The following CEP85L variants were observed in gnomAD, a reference collection of about 807,000 sequenced individuals.
CEP85L encodes centrosomal protein of 85 kDa-like.
In CEP85L, 60 loss-of-function variants were observed where a neutral mutation model predicts 100.3. That is an observed-to-expected ratio of 0.60 (90% confidence interval 0.49 to 0.74). CEP85L has a LOEUF of 0.74. Among genes scored for constraint, CEP85L ranks in the 30% least tolerant of loss-of-function variants. The pLI, the probability that CEP85L is intolerant of heterozygous loss-of-function variation, is 0.00. For synonymous variants in CEP85L, 319 were observed against 322.7 expected (o/e 0.99, Z 0.12); for missense variants, 973 against 936.2 (o/e 1.04, Z -0.51).
At chr6:118,594,409 A>G (rs1328970396) in intron 2 of CEP85L, among the ~76,000 whole-genome samples, 1 of 152,242 alleles carries the variant, frequency 6.6e-6, no homozygotes, top group East Asian at 1.9e-4. Flanking sequence ...CATTTTTATC[A>G]GCCCCTATTT....
intron 3 of CEP85L, among the ~76,000 whole-genome samples, chr6:118,564,852 G>T (rs62422184): frequency 5.3e-5 from 8 of 152,218 alleles, no homozygotes; most frequent in African/African-American, 1.7e-4. Flanking sequence ...TCTTGGAATA[G>T]AAACATTCCC....
chr6:118,537,723 G>A (rs1583003098), intron 3 of CEP85L: 1 of 985,260 alleles, frequency 1.0e-6, no homozygotes, highest in Non-Finnish European at 1.2e-6. Flanking sequence ...CTTTGGCCTG[G>A]ACAAATACTG....
At chr6:118,549,658 A>G (rs928931725) in intron 3 of CEP85L, among the ~76,000 whole-genome samples, 8 of 151,916 alleles carry the variant, frequency 5.3e-5, no homozygotes, top group African/African-American at 1.7e-4. Context: ...CTCTATACTC[A>G]TATTTTTCCT....
At chr6:118,571,270 A>G (rs1779870853) in intron 2 of CEP85L, among the ~76,000 whole-genome samples, 1 of 152,222 alleles carries the variant, frequency 6.6e-6, no homozygotes. Flanking sequence ...GCAAGTTATT[A>G]CTATCTATCC....
intron 1 of CEP85L, among the ~76,000 whole-genome samples, chr6:118,700,039 GT>G (rs1195409211): frequency 6.6e-6 from 1 of 152,182 alleles, no homozygotes; most frequent in Non-Finnish European, 1.5e-5. Context: ...AACTTTGCCA[GT>G]TAGGTGCCAC....
chr6:118,591,191 A>C (rs1218818486), intron 2 of CEP85L, among the ~76,000 whole-genome samples: 1 of 152,200 alleles, frequency 6.6e-6, no homozygotes. Context: ...AACTTACTAG[A>C]GCTGAGGCAG....
Position 118,475,415 on chromosome 6 carries a change from A to G in CEP85L, c.1914+4456T>C, listed in dbSNP as rs1276779701. On this transcript the variant is annotated intron_variant, in intron 10 of 12. Coordinates refer to ENST00000368491, the MANE Select transcript of CEP85L (RefSeq NM_001042475.3). ...GTCCCCCAGGCTGGAGGACAGTGGC[A>G]CAATCTTGGCTCACTGCAAGCTCCA... Among the ~76,000 whole-genome samples the G allele has an allele frequency of 9.1e-5, 13 of 142,880 alleles. No homozygotes were observed. The East Asian group carries it at 2.7e-3, about 30-fold the overall frequency. 93.7% of individuals were successfully genotyped at this position (142,880 alleles called of 152,430 possible).
intron 2 of CEP85L, among the ~76,000 whole-genome samples, chr6:118,594,028 C>T (rs1411290070): frequency 6.6e-6 from 1 of 152,116 alleles, no homozygotes; most frequent in African/African-American, 2.4e-5. Context: ...TTCTGTATGT[C>T]CCTCTGTTGT....
At chr6:118,651,690 G>C, upstream of CEP85L, 1 of 661,658 alleles carries the variant, frequency 1.5e-6, no homozygotes, top group Non-Finnish European at 1.8e-6. Context: ...GCGCGGGGCG[G>C]GGACTGCGGG....
At position 118,604,271 on chromosome 6, in the gene CEP85L, G is replaced by A. The variant is rs143946929; in HGVS notation, c.232+28182C>T. On this transcript the variant is annotated intron_variant, in intron 2 of 12. Coordinates refer to ENST00000368491, the MANE Select transcript of CEP85L (RefSeq NM_001042475.3). The stretch of plus-strand genomic sequence containing the variant: ...CTTTACATTTTTTTGTGAAAGAGCA[G>A]ATTAGTGCTCTAAGAAAAACCTGTT... 4.4e-3 allele frequency among the ~76,000 whole-genome samples: 670 copies of A among 152,278 alleles called. 8 individuals carry two copies. Among genetic ancestry groups the A allele is most frequent in the African/African-American group, 0.016 (649 of 41,556 alleles).
intron 3 of CEP85L, among the ~76,000 whole-genome samples, chr6:118,540,799 G>T (rs1275483830): frequency 6.7e-6 from 1 of 149,908 alleles, no homozygotes; most frequent in Admixed American, 6.6e-5. Flanking sequence ...AATAAATAAT[G>T]CTTTCTGACC....
In CEP85L at chr6:118,675,859, G is replaced by A. The variant is rs534088230; in HGVS notation, c.-27-23051C>T. 2.0e-5 allele frequency among the ~76,000 whole-genome samples: 3 copies of A among 152,194 alleles called. No individual in the cohort carries two copies. The South Asian group carries it at 6.2e-4, about 32-fold the overall frequency. On this transcript the variant is annotated intron_variant, in intron 1 of 13. Coordinates refer to the CEP85L transcript ENST00000368488. ...ATTCAGAGAAAAGTGATAAAGGAGT[G>A]AATAAAATGAGAGAAAAGATGATGT... is the stretch of plus-strand genomic sequence containing the variant.
intron 2 of CEP85L, among the ~76,000 whole-genome samples, chr6:118,576,747 G>T (rs1436492515): frequency 6.6e-6 from 1 of 152,024 alleles, no homozygotes; most frequent in Non-Finnish European, 1.5e-5. Context: ...TTCACCAAAG[G>T]GGCCACCCCT....
At chr6:118,483,580 T>C in intron 7 of CEP85L, 126 bp downstream of exon 7, 1 of 776,080 alleles carries the variant, frequency 1.3e-6, no homozygotes, top group East Asian at 2.6e-5. Context: ...ACAAAGTTTC[T>C]TATTAGAATT....
chr6:118,677,722 T>C (rs1776524915), intron 1 of CEP85L, among the ~76,000 whole-genome samples: 1 of 152,212 alleles, frequency 6.6e-6, no homozygotes, highest in Admixed American at 6.5e-5. Context: ...TGATTAGTGA[T>C]ACCAAGATGT....
rs1175115213 is a variant in CEP85L, at chr6:118,651,277, G to A, written c.-8C>T. 2 of 1,485,604 alleles carry A rather than the reference G, an allele frequency of 1.3e-6. No homozygotes were observed. The highest frequency in any genetic ancestry group is 1.8e-6 in the Non-Finnish European group (2 of 1,122,154). 92.0% of individuals were successfully genotyped at this position (1,485,604 alleles called of 1,614,324 possible). On this transcript the variant is annotated 5_prime_UTR_variant, in exon 1 of 13. Coordinates refer to ENST00000368491, the MANE Select transcript of CEP85L (RefSeq NM_001042475.3). ...CAGGAAGCGCCCCCACATCGCGGGC[G>A]AGAGGGCCGGGTGGGCCAGGGACGC...
At chr6:118,526,491 T>C (rs144285736) in intron 3 of CEP85L, among the ~76,000 whole-genome samples, 143 of 152,318 alleles carry the variant, frequency 9.4e-4, no homozygotes, top group Non-Finnish European at 1.6e-3. Context: ...TATTTATACT[T>C]AATTGGCAGA....
At chr6:118,670,189 T>A (rs1036257889) in intron 1 of CEP85L, among the ~76,000 whole-genome samples, 1 of 151,664 alleles carries the variant, frequency 6.6e-6, no homozygotes. Context: ...TTGCTTTGAC[T>A]GAAGTTAGTA....
intron 4 of CEP85L, among the ~76,000 whole-genome samples, chr6:118,519,168 A>G (rs997199003): frequency 2.0e-5 from 3 of 152,072 alleles, no homozygotes; most frequent in African/African-American, 7.2e-5. Flanking sequence ...TTAGGGGGAA[A>G]AAAAGGGCCA....
Sources: gnomAD v4.1 joint callset for allele counts (sites outside exome capture counted in the v4.1 genomes callset) on GRCh38, gnomAD v4.1.1 for gene constraint, MANE v1.5 for transcripts, NCBI Gene and HGNC (gene_info 2026-07-23, HGNC 2026-07-21) for gene names.